Variants in SEMA3A observed in about 807,000 individuals in gnomAD.
SEMA3A encodes the protein semaphorin 3A, also known as semaphorin-3A.
Under a neutral mutation model 97.9 loss-of-function variants are expected in SEMA3A, and 29 were observed. The ratio of observed to expected loss-of-function variants is 0.30; its 90% CI spans 0.22 to 0.40. The LOEUF (loss-of-function observed/expected upper bound fraction) is 0.40. Ranked by LOEUF, SEMA3A falls within the 10% of genes least tolerant of loss-of-function variation. The pLI is 1.00. For missense variants in SEMA3A, 763 were observed against 951.3 expected (o/e 0.80, Z 2.60); for synonymous variants, 321 against 323.7 (o/e 0.99, Z 0.09).
Position 84,030,315 on chromosome 7 carries a change from C to T in SEMA3A, c.668-15964G>A, listed in dbSNP as rs549231334. ...ATTCAAGAAACATGGTATTTCCTAA[C>T]CTACCTCATTTTTAAATTAGAGCAC... On this transcript the variant is annotated intron_variant, in intron 6 of 16. Coordinates refer to ENST00000265362, the MANE Select transcript of SEMA3A (RefSeq NM_006080.3). Among the ~76,000 whole-genome samples, 6 of 152,224 alleles carry T rather than the reference C, an allele frequency of 3.9e-5. No homozygotes were observed. In the South Asian group the frequency reaches 1.2e-3, roughly 32 times the overall value.
chr7:83,998,652 G>T (rs1248036112), intron 12 of SEMA3A, among the ~76,000 whole-genome samples: 4 of 151,004 alleles, frequency 2.6e-5, no homozygotes, highest in African/African-American at 7.4e-5. Flanking sequence ...ATAAACTATT[G>T]AATTTTTAAA....
intron 1 of SEMA3A, among the ~76,000 whole-genome samples, chr7:84,379,845 C>T (rs1803210198): frequency 6.6e-6 from 1 of 152,086 alleles, no homozygotes; most frequent in Non-Finnish European, 1.5e-5. Context: ...CAATTAGGGA[C>T]AATTTGTTAC....
chr7:84,479,164 T>C (rs992152012), intron 1 of SEMA3A, among the ~76,000 whole-genome samples: 8 of 152,202 alleles, frequency 5.3e-5, no homozygotes, highest in Non-Finnish European at 1.0e-4. Context: ...AAAAAATGCA[T>C]CAAGTAGGGT....
chr7:84,218,095 T>A (rs1220009683), intron 3 of SEMA3A, among the ~76,000 whole-genome samples: 1 of 152,116 alleles, frequency 6.6e-6, no homozygotes, highest in Non-Finnish European at 1.5e-5. Context: ...ATATAATTCT[T>A]ACTTGAGAAA....
chr7:84,200,449 T>C (rs1245440491), intron 3 of SEMA3A, among the ~76,000 whole-genome samples: 1 of 152,022 alleles, frequency 6.6e-6, no homozygotes, highest in Non-Finnish European at 1.5e-5. Flanking sequence ...TGAATTTTAT[T>C]AGGTTGGTAA....
At chr7:84,268,250 T>TGTGC (rs1491376250) in intron 3 of SEMA3A, among the ~76,000 whole-genome samples, 5 of 35,286 alleles carry the variant, frequency 1.4e-4, no homozygotes, top group Non-Finnish European at 1.4e-4. Context: ...GACATAAGCA[T>TGTGC]GTGTGTGTGT....
intron 4 of SEMA3A, among the ~76,000 whole-genome samples, chr7:84,103,821 TACC>T (rs1316175912): frequency 3.1e-4 from 47 of 152,086 alleles, no homozygotes; most frequent in Non-Finnish European, 6.0e-4. Flanking sequence ...GATGAAAAAG[TACC>T]AAACAGGTGA....
At chr7:84,032,718 T>G (rs1229614160) in intron 6 of SEMA3A, among the ~76,000 whole-genome samples, 26 of 151,970 alleles carry the variant, frequency 1.7e-4, no homozygotes, top group Non-Finnish European at 1.5e-5. Flanking sequence ...ACCATGTTTT[T>G]TGAACTTTTC....
intron 2 of SEMA3A, among the ~76,000 whole-genome samples, chr7:84,322,126 A>G (rs753022773): frequency 5.3e-5 from 8 of 151,478 alleles, no homozygotes; most frequent in Non-Finnish European, 1.2e-4. Context: ...CACCATCATG[A>G]GAACAGCATG....
intron 1 of SEMA3A, among the ~76,000 whole-genome samples, chr7:84,463,478 A>G (rs374255921): frequency 6.4e-4 from 97 of 151,820 alleles, no homozygotes; most frequent in East Asian, 4.3e-3. Context: ...CCGATCTCCT[A>G]ACCTCGTGAT....
chr7:84,152,549 G>T (rs1179094821), intron 1 of SEMA3A, among the ~76,000 whole-genome samples: 2 of 113,210 alleles, frequency 1.8e-5, no homozygotes, highest in Non-Finnish European at 3.5e-5. Context: ...TTGTGGGGTG[G>T]GGGGAGGGGG....
chr7:84,345,279 G>A (rs1802270302), intron 2 of SEMA3A, among the ~76,000 whole-genome samples: 1 of 152,176 alleles, frequency 6.6e-6, no homozygotes, highest in Non-Finnish European at 1.5e-5. Flanking sequence ...AGCCTTAAGT[G>A]AATCATAATC....
chr7:84,292,984 C>T (rs542013079), intron 3 of SEMA3A, among the ~76,000 whole-genome samples: 1 of 151,994 alleles, frequency 6.6e-6, no homozygotes, highest in African/African-American at 2.4e-5. Context: ...ATGTTTGTTG[C>T]ATTACATTAT....
chr7:84,300,692 TTACAAAG>T (rs1228538169), intron 3 of SEMA3A, among the ~76,000 whole-genome samples: 1 of 151,846 alleles, frequency 6.6e-6, no homozygotes, highest in African/African-American at 2.4e-5. Context: ...TAAAAAATAA[TTACAAAG>T]TACAAAGATA....
At chr7:84,189,902 A>G (rs1206057852) in intron 1 of SEMA3A, among the ~76,000 whole-genome samples, 7 of 151,700 alleles carry the variant, frequency 4.6e-5, no homozygotes, top group African/African-American at 1.4e-4. Context: ...ACAGATCAAT[A>G]TATCTGTTTA....
intron 4 of SEMA3A, among the ~76,000 whole-genome samples, chr7:84,095,603 A>T (rs1361068602): frequency 6.6e-6 from 1 of 150,694 alleles, no homozygotes; most frequent in Admixed American, 6.6e-5. Context: ...CTGTTCACTA[A>T]ACCTTTATTC....
chr7:84,152,739 T>G (rs1167005944), intron 1 of SEMA3A, among the ~76,000 whole-genome samples: 1 of 152,012 alleles, frequency 6.6e-6, no homozygotes, highest in African/African-American at 2.4e-5. Context: ...ATTATGTACT[T>G]GGCTGTGTCT....
At chr7:84,051,979 T>C (rs1343039515) in intron 5 of SEMA3A, among the ~76,000 whole-genome samples, 1 of 151,048 alleles carries the variant, frequency 6.6e-6, no homozygotes, top group African/African-American at 2.4e-5. Flanking sequence ...CATGTGGTTT[T>C]TGTCTTTGGT....
At chr7:84,025,986 A>AATATACTT (rs1250645450) in intron 6 of SEMA3A, among the ~76,000 whole-genome samples, 4 of 152,166 alleles carry the variant, frequency 2.6e-5, no homozygotes, top group Non-Finnish European at 5.9e-5. Flanking sequence ...TTACTATTTT[A>AATATACTT]ATATACTTTT....
Sources: allele counts gnomAD v4.1 joint callset (sites outside exome capture counted in the v4.1 genomes callset), GRCh38; gene constraint gnomAD v4.1.1; transcripts MANE v1.5; gene names NCBI Gene and HGNC (gene_info 2026-07-23, HGNC 2026-07-21).